The following F8 variants were observed in gnomAD, a reference collection of about 807,000 sequenced individuals.
F8 encodes antihemophilic factor.
Under a neutral mutation model 140.6 loss-of-function variants are expected in F8, and 12 were observed. The observed-to-expected ratio is 0.09, with a 90% CI of 0.05 to 0.14. The LOEUF is 0.14. Ranked by LOEUF, F8 falls within the 10% of genes least tolerant of loss-of-function variation. The pLI, the probability that F8 is intolerant of heterozygous loss-of-function variation, is 1.00. For synonymous variants in F8, 585 were observed against 614.6 expected (o/e 0.95, Z 0.71); for missense variants, 1,354 against 1,720.7 (o/e 0.79, Z 3.77).
intron 13 of F8, among the ~76,000 whole-genome samples, chrX:154,945,415 G>C (rs2073297924): frequency 9.0e-6 from 1 of 111,527 alleles, no homozygotes; most frequent in Non-Finnish European, 1.9e-5. Flanking sequence ...ATGATCAAGG[G>C]GGATTCATCC....
At chrX:155,018,057 G>A (rs782346980) in intron 1 of F8, among the ~76,000 whole-genome samples, 12 of 105,546 alleles carry the variant, frequency 1.1e-4, no homozygotes, top group South Asian at 8.6e-4. Flanking sequence ...TGGTAGACAC[G>A]GAGTTTTGCC....
rs781935162 is a variant in F8, at chrX:154,931,334, G to C, written c.2456C>G (p.Pro819Arg). The stretch of plus-strand genomic sequence containing the variant: ...GAGATCAGATAAGGATAGCCCATGT[G>C]GAGTAGGACTCTGTCGCAAGAGCAT... ...LLMLLRQSPTPHGLSLSDLQE... is the reference protein window; with the variant it reads ...LLMLLRQSPTRHGLSLSDLQE... Residue 819 changes from proline (P) to arginine (R), a missense_variant, in exon 14 of 26, where the codon CCA becomes CGA. Physicochemically the swap from Pro to Arg is moderately radical, Grantham distance 103. Coordinates refer to ENST00000360256, the MANE Select transcript of F8 (RefSeq NM_000132.4). 3.3e-6 allele frequency: 4 copies of C among 1,207,553 alleles called. No homozygotes were observed. Among genetic ancestry groups the C allele is most frequent in the Non-Finnish European group, 3.4e-6 (3 of 893,062 alleles).
At chrX:154,858,289 T>G (rs782223045) in intron 25 of F8, among the ~76,000 whole-genome samples, 1 of 112,497 alleles carries the variant, frequency 8.9e-6, no homozygotes, top group East Asian at 2.8e-4. Context: ...TGGACTTCTA[T>G]TCAACAAGGC....
chrX:154,913,112 A>G (rs1229189985), intron 14 of F8, among the ~76,000 whole-genome samples: 1 of 112,196 alleles, frequency 8.9e-6, no homozygotes, highest in Non-Finnish European at 1.9e-5. Flanking sequence ...ATTAATTGAA[A>G]AAATGAATAG....
chrX:154,878,281 T>C (rs2072831852), intron 22 of F8, among the ~76,000 whole-genome samples: 2 of 110,144 alleles, frequency 1.8e-5, no homozygotes, highest in Non-Finnish European at 3.8e-5. Flanking sequence ...GTGGAAATTA[T>C]CCCAATAATG....
chrX:154,979,620 C>T (rs2073506528), intron 6 of F8, among the ~76,000 whole-genome samples: 1 of 111,716 alleles, frequency 9.0e-6, no homozygotes, highest in African/African-American at 3.3e-5. Context: ...ACAAGGTTCA[C>T]TAGTGTTTTG....
intron 1 of F8, among the ~76,000 whole-genome samples, chrX:155,021,025 T>C (rs1281509923): frequency 1.8e-5 from 2 of 112,157 alleles, no homozygotes; most frequent in Non-Finnish European, 3.8e-5. Context: ...TAGGATATAG[T>C]AGCCAAAAAC....
At chrX:154,939,007 A>T (rs1787095607) in intron 13 of F8, among the ~76,000 whole-genome samples, 1 of 111,352 alleles carries the variant, frequency 9.0e-6, no homozygotes. Flanking sequence ...GAGAAAATGA[A>T]GTCACGTTGT....
chrX:154,844,051 C>T (rs2072543872), intron 25 of F8, among the ~76,000 whole-genome samples: 1 of 111,732 alleles, frequency 8.9e-6, no homozygotes, highest in African/African-American at 3.3e-5. Flanking sequence ...ATAGGGAATC[C>T]TTTCCCCATT....
chrX:154,986,139 G>A (rs1378646864), intron 5 of F8, among the ~76,000 whole-genome samples: 13 of 111,894 alleles, frequency 1.2e-4, no homozygotes, highest in African/African-American at 3.9e-4. Context: ...TCCAGGCAGA[G>A]GAAACTGCAT....
intron 1 of F8, among the ~76,000 whole-genome samples, chrX:155,012,899 C>T (rs1557286698): frequency 9.1e-6 from 1 of 110,103 alleles, no homozygotes; most frequent in South Asian, 3.8e-4. Context: ...GTAATCCCAG[C>T]ACTTTGGGAG....
intron 22 of F8, among the ~76,000 whole-genome samples, chrX:154,895,240 C>T (rs2072973061): frequency 8.9e-6 from 1 of 112,248 alleles, no homozygotes; most frequent in African/African-American, 3.2e-5. Context: ...TATACAAGCT[C>T]ACCTCACAGA....
At chrX:155,003,838 G>A (rs2073661405) in intron 1 of F8, among the ~76,000 whole-genome samples, 1 of 109,221 alleles carries the variant, frequency 9.2e-6, no homozygotes, top group African/African-American at 3.3e-5. Context: ...GCGGGTGCCT[G>A]TAGTCCCAGC....
At chrX:155,017,869 T>TTTTTTTTA (rs1451052339) in intron 1 of F8, among the ~76,000 whole-genome samples, 1 of 110,627 alleles carries the variant, frequency 9.0e-6, no homozygotes, top group Non-Finnish European at 1.9e-5. Flanking sequence ...GAGATACTGC[T>TTTTTTTTA]TTTTTTTATT....
chrX:155,017,244 C>T (rs1557287094), intron 1 of F8, among the ~76,000 whole-genome samples: 1 of 112,451 alleles, frequency 8.9e-6, no homozygotes, highest in Non-Finnish European at 1.9e-5. Flanking sequence ...CAGATTCTCC[C>T]CAAGAGCTTT....
chrX:154,852,261 A>G (rs1424737357), intron 25 of F8, among the ~76,000 whole-genome samples: 1 of 110,584 alleles, frequency 9.0e-6, no homozygotes, highest in East Asian at 2.8e-4. Context: ...TTGTAGATAC[A>G]GAGTCTCACT....
At chrX:154,969,670 AAAC>A in intron 6 of F8, 118 bp from the exon 7 acceptor site, 1 of 617,477 alleles carries the variant, frequency 1.6e-6, no homozygotes, top group East Asian at 3.4e-5. Flanking sequence ...CTTGACTTGT[AAAC>A]AAATTTATCA....
At chrX:154,946,996 C>T (rs1044966549) in intron 13 of F8, among the ~76,000 whole-genome samples, 15 of 108,829 alleles carry the variant, frequency 1.4e-4, no homozygotes, top group Non-Finnish European at 1.9e-4. Flanking sequence ...GAGGCCGAGG[C>T]GGGTGGATCA....
rs1450136724 is a variant in F8, at chrX:154,993,152, T to C, written c.389-4A>G. On this transcript the variant is annotated splice_region_variant and splice_polypyrimidine_tract_variant and intron_variant, in intron 3 of 25. Coordinates refer to ENST00000360256, the MANE Select transcript of F8 (RefSeq NM_000132.4). ...GTCTGATCATCATATTCAGCTCCTA[T>C]AGCAGGAAGAAATAAAATTGTCCTT... 2.5e-6 allele frequency: 3 copies of C among 1,200,584 alleles called. No individual in the cohort carries two copies. The highest frequency in any genetic ancestry group is 1.1e-6 in the Non-Finnish European group (1 of 886,608).
Sources: gnomAD v4.1 joint callset for allele counts (sites outside exome capture counted in the v4.1 genomes callset) on GRCh38, gnomAD v4.1.1 for gene constraint, MANE v1.5 for transcripts, NCBI Gene and HGNC (gene_info 2026-07-23, HGNC 2026-07-21) for gene names.